Variants in FAM117B observed in about 807,000 individuals in gnomAD.
FAM117B encodes the protein family with sequence similarity 117 member B.
FAM117B carries 22 observed loss-of-function variants against 52.8 expected under a neutral mutation model. The ratio of observed to expected loss-of-function variants is 0.42; its 90% CI spans 0.30 to 0.59. The LOEUF is 0.59. Among genes scored for constraint, FAM117B ranks in the 20% least tolerant of loss-of-function variants. The pLI, the probability that FAM117B is intolerant of heterozygous loss-of-function variation, is 0.22. For synonymous variants in FAM117B, 309 were observed against 324.1 expected, an observed-to-expected ratio of 0.95 and a Z score of 0.50; for missense variants, 678 against 802.6, an observed-to-expected ratio of 0.84 and a Z score of 1.88.
At chr2:202,715,486 G>A (rs1691036837) in intron 2 of FAM117B, among the ~76,000 whole-genome samples, 1 of 151,858 alleles carries the variant, frequency 6.6e-6, no homozygotes, top group South Asian at 2.1e-4. Flanking sequence ...CCCAGACAGG[G>A]TGGCGGGGCA....
At chr2:202,737,413 C>G (rs1185770687) in intron 4 of FAM117B, among the ~76,000 whole-genome samples, 1 of 152,112 alleles carries the variant, frequency 6.6e-6, no homozygotes. Flanking sequence ...TCATTCTTTT[C>G]CTTTGTATAC....
intron 1 of FAM117B, among the ~76,000 whole-genome samples, chr2:202,668,183 ATATAAT>A (rs1559098141): frequency 6.9e-6 from 1 of 144,802 alleles, no homozygotes; most frequent in African/African-American, 2.5e-5. Flanking sequence ...ATATTATATT[ATATAAT>A]ATATATTTAT....
At position 202,635,084 on chromosome 2, in the gene FAM117B, C is replaced by T; in HGVS notation, c.-104C>T. On this transcript the variant is annotated 5_prime_UTR_variant, in exon 1 of 8. Transcript: ENST00000392238. The stretch of plus-strand genomic sequence containing the variant: ...TGCACCCCGGAGTCCGGCTTCGTCA[C>T]CCCGTCTTGGGGGGCCTGCCCTCCG... 1 of 1,243,024 alleles carries T rather than the reference C, an allele frequency of 8.0e-7. No homozygotes were observed. Among genetic ancestry groups the T allele is most frequent in the Non-Finnish European group, 1.0e-6 (1 of 991,708 alleles). 77.0% of individuals were successfully genotyped at this position (1,243,024 alleles called of 1,614,324 possible). A position where few individuals can be genotyped will look rare whatever the true frequency, so the allele number is the denominator to read the frequency against.
At chr2:202,683,853 A>G (rs1389685149) in intron 1 of FAM117B, among the ~76,000 whole-genome samples, 2 of 152,032 alleles carry the variant, frequency 1.3e-5, no homozygotes, top group Admixed American at 6.6e-5. Context: ...TAAGAAAACT[A>G]CAGAACACAA....
intron 1 of FAM117B, among the ~76,000 whole-genome samples, chr2:202,659,812 G>A (rs972361818): frequency 1.3e-5 from 2 of 151,370 alleles, no homozygotes; most frequent in Non-Finnish European, 2.9e-5. Context: ...GTAGAGATGG[G>A]GTTTTACCAT....
intron 4 of FAM117B, among the ~76,000 whole-genome samples, chr2:202,754,749 G>C (rs1001879445): frequency 2.6e-5 from 4 of 151,732 alleles, no homozygotes; most frequent in Non-Finnish European, 2.9e-5. Flanking sequence ...AATTAGCCAG[G>C]TGTGGTGGCG....
At chr2:202,757,565 G>A (rs1157309598) in intron 6 of FAM117B, 127 bp downstream of exon 6, 2 of 1,034,890 alleles carry the variant, frequency 1.9e-6, no homozygotes, top group African/African-American at 3.2e-5. Flanking sequence ...CAAAGCCTAG[G>A]TTTTCAATTT....
chr2:202,688,531 T>G (rs544770557), intron 1 of FAM117B, among the ~76,000 whole-genome samples: 56 of 152,252 alleles, frequency 3.7e-4, no homozygotes, highest in African/African-American at 1.2e-3. Flanking sequence ...TGATAGAACC[T>G]CTTTGAATTT....
At chr2:202,754,778 T>C (rs2105798935) in intron 4 of FAM117B, among the ~76,000 whole-genome samples, 1 of 149,226 alleles carries the variant, frequency 6.7e-6, no homozygotes, top group South Asian at 2.1e-4. Flanking sequence ...TAGTCCCAGC[T>C]ACTCAGGAGG....
intron 1 of FAM117B, among the ~76,000 whole-genome samples, chr2:202,673,419 A>ATTTTTTTTTTTT (rs1690327393): frequency 2.3e-5 from 1 of 42,894 alleles, no homozygotes; most frequent in African/African-American, 1.2e-4. Flanking sequence ...AGCCTACCCT[A>ATTTTTTTTTTTT]TTTTTCTTTT....
chr2:202,686,560 C>G (rs1385922413), intron 1 of FAM117B, among the ~76,000 whole-genome samples: 1 of 152,172 alleles, frequency 6.6e-6, no homozygotes, highest in Non-Finnish European at 1.5e-5. Flanking sequence ...GCCTGTGATC[C>G]CAGCACTTTG....
At chr2:202,653,532 A>G (rs1689986847) in intron 1 of FAM117B, among the ~76,000 whole-genome samples, 1 of 152,102 alleles carries the variant, frequency 6.6e-6, no homozygotes, top group African/African-American at 2.4e-5. Flanking sequence ...GTTCTCTATT[A>G]GTTTGGAAGC....
At chr2:202,728,057 A>G (rs923888418) in intron 4 of FAM117B, among the ~76,000 whole-genome samples, 1 of 152,050 alleles carries the variant, frequency 6.6e-6, no homozygotes, top group East Asian at 1.9e-4. Context: ...CAGATTCACT[A>G]TAGCCTCGAC....
chr2:202,677,656 A>C (rs1690399768), intron 1 of FAM117B, among the ~76,000 whole-genome samples: 1 of 152,228 alleles, frequency 6.6e-6, no homozygotes, highest in Non-Finnish European at 1.5e-5. Context: ...CAAGTTACTT[A>C]AGTTTTCCAT....
At chr2:202,680,347 C>G (rs1442121312) in intron 1 of FAM117B, among the ~76,000 whole-genome samples, 1 of 151,980 alleles carries the variant, frequency 6.6e-6, no homozygotes, top group Non-Finnish European at 1.5e-5. Context: ...TGCAGCACAC[C>G]AACATGGCAC....
intron 2 of FAM117B, among the ~76,000 whole-genome samples, chr2:202,724,397 TA>T (rs1691204711): frequency 6.6e-6 from 1 of 152,238 alleles, no homozygotes. Context: ...AGACTAGACA[TA>T]ATATAGAAGT....
chr2:202,695,115 C>T (rs1164720663), intron 1 of FAM117B, among the ~76,000 whole-genome samples: 3 of 152,128 alleles, frequency 2.0e-5, no homozygotes, highest in African/African-American at 7.2e-5. Context: ...AATTCCTGGG[C>T]CCAATCCCTG....
intron 4 of FAM117B, among the ~76,000 whole-genome samples, chr2:202,731,665 C>G (rs1385214854): frequency 6.6e-6 from 1 of 151,880 alleles, no homozygotes; most frequent in Admixed American, 6.6e-5. Flanking sequence ...CTCCTGACCT[C>G]GTGAGCCTCC....
intron 4 of FAM117B, 100 bp downstream of exon 4, chr2:202,726,463 A>G: frequency 2.5e-6 from 2 of 795,166 alleles, no homozygotes; most frequent in Non-Finnish European, 4.1e-6. Context: ...ATGCTCAAAA[A>G]CATATTTGAA....
Sources: gnomAD v4.1 joint callset for allele counts (sites outside exome capture counted in the v4.1 genomes callset) on GRCh38, gnomAD v4.1.1 for gene constraint, MANE v1.5 for transcripts, NCBI Gene and HGNC (gene_info 2026-07-23, HGNC 2026-07-21) for gene names.